Variants in NAALADL2 observed in about 807,000 individuals in gnomAD.
NAALADL2 encodes N-acetylated alpha-linked acidic dipeptidase like 2.
NAALADL2 carries 76 observed loss-of-function variants against 87.2 expected under a neutral mutation model. The ratio of observed to expected loss-of-function variants is 0.87; its 90% confidence interval spans 0.72 to 1.05. The LOEUF is 1.05. Ranked by LOEUF, NAALADL2 falls within the 50% of genes least tolerant of loss-of-function variation. The probability of loss-of-function intolerance (pLI) is 0.00; values close to 1 mark genes in which losing one functional copy is unlikely to be tolerated. For synonymous variants in NAALADL2, 354 were observed against 331.0 expected (o/e 1.07, Z -0.75); for missense variants, 1,089 against 945.8 (o/e 1.15, Z -1.99).
intron 1 of NAALADL2, among the ~76,000 whole-genome samples, chr3:175,093,674 C>T (rs770364371): frequency 5.9e-5 from 9 of 151,468 alleles, no homozygotes; most frequent in African/African-American, 1.9e-4. Flanking sequence ...ATTACATACT[C>T]ATTTCCGTAG....
chr3:174,789,572 G>A (rs985465590), intron 3 of NAALADL2, among the ~76,000 whole-genome samples: 1 of 152,228 alleles, frequency 6.6e-6, no homozygotes, highest in Non-Finnish European at 1.5e-5. Context: ...TGATGCTGAG[G>A]ATCAATTGAT....
chr3:174,514,814 T>G (rs934575858), intron 1 of NAALADL2, among the ~76,000 whole-genome samples: 7 of 152,124 alleles, frequency 4.6e-5, no homozygotes, highest in African/African-American at 1.7e-4. Context: ...TTTTACTCAG[T>G]AAAAACTCTT....
Position 175,368,425 on chromosome 3 carries a change from G to A in NAALADL2, c.1090+44100G>A, listed in dbSNP as rs548373766. On this transcript the variant is annotated intron_variant, in intron 5 of 13. Coordinates refer to ENST00000454872, the MANE Select transcript of NAALADL2 (RefSeq NM_207015.3). ...TCTATTGATTGGAATAGTTTCAGAA[G>A]GAATGGTACCAGTTCCTCCTTGTAC... Among the ~76,000 whole-genome samples, 425 of 152,248 alleles carry A rather than the reference G, an allele frequency of 2.8e-3. 1 individual carries two copies. The highest frequency in any genetic ancestry group is 9.5e-3 in the African/African-American group (395 of 41,544).
chr3:174,632,288 G>T (rs1722191032), intron 2 of NAALADL2, among the ~76,000 whole-genome samples: 1 of 152,126 alleles, frequency 6.6e-6, no homozygotes, highest in African/African-American at 2.4e-5. Flanking sequence ...ACTGACTATT[G>T]ACCGTGCTCT....
chr3:174,923,154 G>GT (rs1414860491), intron 1 of NAALADL2, among the ~76,000 whole-genome samples: 1 of 152,104 alleles, frequency 6.6e-6, no homozygotes, highest in East Asian at 1.9e-4. Flanking sequence ...ATTTAAGGAA[G>GT]TATCAGAAAA....
At chr3:174,979,906 A>G (rs376052668) in intron 1 of NAALADL2, among the ~76,000 whole-genome samples, 1 of 152,084 alleles carries the variant, frequency 6.6e-6, no homozygotes, top group African/African-American at 2.4e-5. Context: ...AAATCTTTCA[A>G]TGACTCCCCA....
intron 1 of NAALADL2, among the ~76,000 whole-genome samples, chr3:174,905,725 T>C (rs1475840846): frequency 2.6e-5 from 4 of 152,082 alleles, no homozygotes; most frequent in Admixed American, 2.0e-4. Flanking sequence ...TTGATTAATA[T>C]ACCTGAGACA....
At chr3:174,980,854 AT>A (rs1745018832) in intron 1 of NAALADL2, among the ~76,000 whole-genome samples, 1 of 152,150 alleles carries the variant, frequency 6.6e-6, no homozygotes, top group South Asian at 2.1e-4. Context: ...CAAATTATTT[AT>A]TTGAACAGTT....
At chr3:175,624,038 A>G (rs553414458) in intron 10 of NAALADL2, among the ~76,000 whole-genome samples, 22 of 152,172 alleles carry the variant, frequency 1.4e-4, no homozygotes, top group African/African-American at 5.1e-4. Context: ...AGGTACAAAC[A>G]AGTTGTTTGC....
At chr3:175,199,821 T>TAC in intron 2 of NAALADL2, among the ~76,000 whole-genome samples, 1 of 7,188 alleles carries the variant, frequency 1.4e-4, no homozygotes, top group Admixed American at 1.7e-3. Flanking sequence ...GGGAAAGAAA[T>TAC]ATATATATAT....
chr3:174,847,178 C>T (rs1424542833), intron 3 of NAALADL2, among the ~76,000 whole-genome samples: 1 of 152,178 alleles, frequency 6.6e-6, no homozygotes, highest in Non-Finnish European at 1.5e-5. Flanking sequence ...TAATTTATCT[C>T]TACCCATATT....
chr3:174,513,159 T>A (rs1158068339), intron 1 of NAALADL2, among the ~76,000 whole-genome samples: 2 of 151,858 alleles, frequency 1.3e-5, no homozygotes, highest in African/African-American at 4.8e-5. Flanking sequence ...ACAGGGTTCC[T>A]CCATGTTGGT....
At chr3:175,467,492 A>C (rs956408235) in intron 8 of NAALADL2, among the ~76,000 whole-genome samples, 1 of 151,812 alleles carries the variant, frequency 6.6e-6, no homozygotes, top group East Asian at 1.9e-4. Context: ...GGCACTGGAC[A>C]AAAAAGGATC....
chr3:175,091,511 A>G (rs540457186), intron 1 of NAALADL2, among the ~76,000 whole-genome samples: 1 of 152,174 alleles, frequency 6.6e-6, no homozygotes. Flanking sequence ...TAACTTTTAC[A>G]AGTAGGAAAG....
chr3:175,315,105 G>A (rs899673828), intron 4 of NAALADL2, among the ~76,000 whole-genome samples: 2 of 152,078 alleles, frequency 1.3e-5, no homozygotes, highest in African/African-American at 4.8e-5. Flanking sequence ...TATTGTTGTT[G>A]ATGGAGCTAT....
At chr3:175,484,782 C>T (rs538426923) in intron 9 of NAALADL2, among the ~76,000 whole-genome samples, 1 of 152,128 alleles carries the variant, frequency 6.6e-6, no homozygotes, top group Non-Finnish European at 1.5e-5. Context: ...TACCCAGGAG[C>T]ATGAACACTT....
At chr3:175,719,022 C>CT (rs1741822940) in intron 11 of NAALADL2, among the ~76,000 whole-genome samples, 1 of 152,040 alleles carries the variant, frequency 6.6e-6, no homozygotes, top group Non-Finnish European at 1.5e-5. Context: ...TGCTAAAATG[C>CT]TTTTTTAGTT....
chr3:175,266,941 G>T (rs1175167217), intron 4 of NAALADL2, among the ~76,000 whole-genome samples: 1 of 151,258 alleles, frequency 6.6e-6, no homozygotes, highest in South Asian at 2.1e-4. Flanking sequence ...TTGATACTTT[G>T]CTTTGTCTTA....
intron 3 of NAALADL2, among the ~76,000 whole-genome samples, chr3:174,754,183 T>G (rs983098823): frequency 6.6e-6 from 1 of 152,206 alleles, no homozygotes; most frequent in Non-Finnish European, 1.5e-5. Context: ...GTTATTACCT[T>G]GGTAGGGATT....
Sources: allele counts gnomAD v4.1 joint callset (sites outside exome capture counted in the v4.1 genomes callset), GRCh38; gene constraint gnomAD v4.1.1; transcripts MANE v1.5; gene names NCBI Gene and HGNC (gene_info 2026-07-23, HGNC 2026-07-21).